Variants in STK32B observed in about 807,000 individuals in gnomAD.
The protein encoded by STK32B is serine/threonine-protein kinase 32B.
STK32B carries 43 observed loss-of-function variants against 52.6 expected under a neutral mutation model. That is an observed-to-expected ratio of 0.82 (90% CI 0.64 to 1.05). The LOEUF is 1.05. STK32B is among the 50% of genes least tolerant of loss of function. The pLI, the probability that STK32B is intolerant of heterozygous loss-of-function variation, is 0.00. For missense variants in STK32B, 621 were observed against 534.6 expected, an observed-to-expected ratio of 1.16 and a Z score of -1.59; for synonymous variants, 238 against 204.3, an observed-to-expected ratio of 1.17 and a Z score of -1.41.
At chr4:5,473,037 G>A (rs977576769) in intron 11 of STK32B, among the ~76,000 whole-genome samples, 4 of 152,028 alleles carry the variant, frequency 2.6e-5, no homozygotes, top group Non-Finnish European at 5.9e-5. Context: ...ATCACCCCCA[G>A]TTGAGAGCCA....
chr4:5,403,684 T>C (rs1455021071), intron 5 of STK32B, among the ~76,000 whole-genome samples: 1 of 152,200 alleles, frequency 6.6e-6, no homozygotes, highest in Non-Finnish European at 1.5e-5. Flanking sequence ...AAAATGGCCA[T>C]GGCCATCCAT....
chr4:5,032,443 C>T, the STK32B span, among the ~76,000 whole-genome samples: 2 of 129,320 alleles, frequency 1.5e-5, no homozygotes, highest in Non-Finnish European at 3.1e-5. Flanking sequence ...TGCCATTGCA[C>T]TCCAGCCTGG....
At chr4:5,465,964 C>CATTAG (rs1177474202) in intron 9 of STK32B, among the ~76,000 whole-genome samples, 97 of 152,258 alleles carry the variant, frequency 6.4e-4, no homozygotes, top group African/African-American at 2.3e-3. Context: ...GAACTGAGTC[C>CATTAG]CAAGGAAGTC....
intron 3 of STK32B, among the ~76,000 whole-genome samples, chr4:5,297,370 G>C (rs1233732911): frequency 6.6e-6 from 1 of 152,002 alleles, no homozygotes; most frequent in Non-Finnish European, 1.5e-5. Flanking sequence ...CCTGAAGTGT[G>C]TTTTCCAACT....
At chr4:5,321,104 G>A (rs1409339707) in intron 3 of STK32B, among the ~76,000 whole-genome samples, 2 of 152,064 alleles carry the variant, frequency 1.3e-5, no homozygotes, top group Non-Finnish European at 2.9e-5. Context: ...GAGGGGGTTG[G>A]AGCAAAGCTG....
chr4:5,483,298 T>C (rs891791794), intron 11 of STK32B, among the ~76,000 whole-genome samples: 34 of 151,794 alleles, frequency 2.2e-4, no homozygotes, highest in Non-Finnish European at 7.3e-5. Context: ...ATTCAACTTC[T>C]TCCTGGTTTA....
At chr4:5,300,406 C>T (rs1253632317) in intron 3 of STK32B, among the ~76,000 whole-genome samples, 4 of 152,188 alleles carry the variant, frequency 2.6e-5, no homozygotes, top group Non-Finnish European at 5.9e-5. Flanking sequence ...ACTACTATTC[C>T]ACATAGTACT....
At chr4:5,373,534 A>AC (rs770872257) in intron 4 of STK32B, among the ~76,000 whole-genome samples, 1 of 152,120 alleles carries the variant, frequency 6.6e-6, no homozygotes, top group Non-Finnish European at 1.5e-5. Flanking sequence ...GACAAGGCCC[A>AC]CCCCCTCTTA....
At chr4:5,180,961 A>T (rs992510772) in intron 3 of STK32B, among the ~76,000 whole-genome samples, 1 of 152,176 alleles carries the variant, frequency 6.6e-6, no homozygotes, top group African/African-American at 2.4e-5. Context: ...ACGAAGGCAA[A>T]GGAGAGAGGG....
chr4:5,141,886 A>G (rs892183369), intron 2 of STK32B, among the ~76,000 whole-genome samples: 13 of 152,038 alleles, frequency 8.6e-5, no homozygotes, highest in Admixed American at 3.3e-4. Context: ...GAGGTTGCCG[A>G]GTTCTGTGTA....
intron 6 of STK32B, among the ~76,000 whole-genome samples, 197 bp downstream of exon 6, chr4:5,417,131 C>G (rs1712233516): frequency 6.6e-6 from 1 of 152,196 alleles, no homozygotes; most frequent in African/African-American, 2.4e-5. Context: ...CTAGACAACC[C>G]CTCTCCTCTT....
intron 3 of STK32B, among the ~76,000 whole-genome samples, chr4:5,313,541 G>T (rs1023764266): frequency 6.6e-6 from 1 of 152,082 alleles, no homozygotes; most frequent in African/African-American, 2.4e-5. Context: ...AAGGCATATA[G>T]ATTAGAAAAG....
intron 3 of STK32B, among the ~76,000 whole-genome samples, chr4:5,201,208 A>G (rs1049604436): frequency 1.3e-4 from 20 of 152,250 alleles, no homozygotes; most frequent in African/African-American, 4.6e-4. Flanking sequence ...TTCTGGAGTG[A>G]GGAGGGGCAA....
chr4:5,205,693 G>GGC (rs141563923), intron 3 of STK32B, among the ~76,000 whole-genome samples: 15,064 of 67,452 alleles, frequency 0.22, 1,301 homozygotes, highest in East Asian at 0.4. Context: ...TTCTAGACCA[G>GGC]GCGCGCGCGC....
chr4:5,052,593 C>T (rs538342262), intron 1 of STK32B, among the ~76,000 whole-genome samples: 20 of 152,248 alleles, frequency 1.3e-4, no homozygotes, highest in African/African-American at 4.6e-4. Context: ...TCCAGTGCAG[C>T]GTGTCCCTGG....
intron 3 of STK32B, among the ~76,000 whole-genome samples, chr4:5,273,942 GTAAC>G (rs1259855025): frequency 1.3e-5 from 2 of 151,546 alleles, no homozygotes; most frequent in African/African-American, 4.8e-5. Context: ...GTATACATAT[GTAAC>G]TAACCTGCAC....
intron 3 of STK32B, among the ~76,000 whole-genome samples, chr4:5,317,291 A>G (rs180900164): frequency 2.7e-4 from 12 of 44,420 alleles, no homozygotes; most frequent in East Asian, 2.2e-3. Context: ...TATAACATAT[A>G]TATAATATAT....
intron 3 of STK32B, among the ~76,000 whole-genome samples, chr4:5,259,673 T>G (rs1726570224): frequency 6.6e-6 from 1 of 152,212 alleles, no homozygotes; most frequent in South Asian, 2.1e-4. Context: ...ACCTGTTTCC[T>G]TCCTCATTCT....
In STK32B at chr4:5,055,791, G is replaced by A. The variant is rs1392363849; in HGVS notation, c.52+3876G>A. On this transcript the variant is annotated intron_variant, in intron 1 of 11. Coordinates refer to ENST00000282908, the MANE Select transcript of STK32B (RefSeq NM_018401.3). ...ACTCTCACTTCCTTCGGGTCTCCAG[G>A]AAAATGTTGTTGACTCATTAGACTC... 2.6e-5 allele frequency among the ~76,000 whole-genome samples: 4 copies of A among 151,716 alleles called. No individual in the cohort carries two copies. The East Asian group carries it at 7.7e-4, about 29-fold the overall frequency.
Sources: allele counts gnomAD v4.1 joint callset (sites outside exome capture counted in the v4.1 genomes callset), GRCh38; gene constraint gnomAD v4.1.1; transcripts MANE v1.5; gene names NCBI Gene and HGNC (gene_info 2026-07-23, HGNC 2026-07-21).